PDE4D: variants seen among roughly 807,000 people sequenced by gnomAD.
The protein encoded by PDE4D is 3',5'-cyclic-AMP phosphodiesterase 4D.
In PDE4D, 24 loss-of-function variants were observed where a neutral mutation model predicts 87.4. That is an observed-to-expected ratio of 0.27 (90% CI 0.20 to 0.39). The LOEUF is 0.39. Among genes scored for constraint, PDE4D ranks in the 10% least tolerant of loss-of-function variants. PDE4D has a pLI of 1.00. For missense variants in PDE4D, 714 were observed against 1,041.0 expected, an observed-to-expected ratio of 0.69 and a Z score of 4.32; for synonymous variants, 384 against 383.2, an observed-to-expected ratio of 1.00 and a Z score of -0.02.
At chr5:59,405,208 A>T (rs1378022988) in intron 1 of PDE4D, among the ~76,000 whole-genome samples, 3 of 152,214 alleles carry the variant, frequency 2.0e-5, no homozygotes, top group Non-Finnish European at 4.4e-5. Context: ...CTTCCAATCC[A>T]TGAACATGAA....
intron 1 of PDE4D, among the ~76,000 whole-genome samples, chr5:59,713,799 T>C (rs1754571211): frequency 1.3e-5 from 2 of 152,038 alleles, no homozygotes; most frequent in South Asian, 2.1e-4. Flanking sequence ...GGAATGAGCC[T>C]TTGACAGCAG....
In PDE4D at chr5:58,969,635, TATAATTA is replaced by T. The variant is rs1208135386; in HGVS notation, c.*5022_*5028del. 1 of 152,164 alleles carries T rather than the reference TATAATTA, an allele frequency of 6.6e-6. No individual in the cohort carries two copies. Among genetic ancestry groups the T allele is most frequent in the Non-Finnish European group, 1.5e-5 (1 of 68,034 alleles). The allele number at this position is 152,164 out of a possible 1,614,324, so 9.4% of individuals were successfully genotyped here. A position where few individuals can be genotyped will look rare whatever the true frequency, so the allele number is the denominator to read the frequency against. On this transcript the variant is annotated 3_prime_UTR_variant, in exon 15 of 15. Coordinates refer to ENST00000340635, the MANE Select transcript of PDE4D (RefSeq NM_001104631.2). ...GCTCCTTCATTGTACTGATCACATA[TATAATTA>T]TATGAGTATTGTTTAAGCCTTTGTC...
At chr5:59,068,153 G>A (rs1764210069) in intron 5 of PDE4D, among the ~76,000 whole-genome samples, 1 of 152,112 alleles carries the variant, frequency 6.6e-6, no homozygotes, top group South Asian at 2.1e-4. Flanking sequence ...GCTGACTATT[G>A]TGAAGTCTCA....
intron 1 of PDE4D, among the ~76,000 whole-genome samples, chr5:59,385,072 T>C (rs576314174): frequency 6.6e-6 from 1 of 152,188 alleles, no homozygotes; most frequent in Non-Finnish European, 1.5e-5. Flanking sequence ...CTCTAGCAAA[T>C]TGGATAATCT....
chr5:59,001,368 G>A (rs187405098), intron 6 of PDE4D, among the ~76,000 whole-genome samples: 2 of 152,112 alleles, frequency 1.3e-5, no homozygotes, highest in African/African-American at 4.8e-5. Context: ...CTGTCTTAGA[G>A]AGCATGCTCT....
intron 1 of PDE4D, among the ~76,000 whole-genome samples, chr5:60,296,836 C>A (rs938058305): frequency 6.6e-6 from 1 of 152,058 alleles, no homozygotes; most frequent in Non-Finnish European, 1.5e-5. Context: ...CAAACTAATA[C>A]AGGAACAGAA....
At chr5:60,126,851 T>A (rs897542668) in intron 2 of PDE4D, among the ~76,000 whole-genome samples, 1 of 152,188 alleles carries the variant, frequency 6.6e-6, no homozygotes, top group Non-Finnish European at 1.5e-5. Context: ...ACTGATGCAG[T>A]GATGAGCAAA....
At chr5:60,341,301 C>T (rs1758296790) in intron 1 of PDE4D, among the ~76,000 whole-genome samples, 1 of 152,196 alleles carries the variant, frequency 6.6e-6, no homozygotes, top group African/African-American at 2.4e-5. Context: ...AGGCAGGCAT[C>T]CAGGCCTCCT....
At chr5:60,089,681 A>T (rs577745409) in intron 2 of PDE4D, among the ~76,000 whole-genome samples, 1 of 152,058 alleles carries the variant, frequency 6.6e-6, no homozygotes, top group East Asian at 1.9e-4. Flanking sequence ...AAGGAAAGAA[A>T]TAATAAAGAT....
chr5:59,299,720 A>G (rs1300073146), intron 1 of PDE4D, among the ~76,000 whole-genome samples: 3 of 152,160 alleles, frequency 2.0e-5, no homozygotes, highest in Non-Finnish European at 2.9e-5. Flanking sequence ...TTCTCCATAT[A>G]CTTGCTCTTC....
At chr5:60,251,319 T>C (rs1210044309) in intron 1 of PDE4D, among the ~76,000 whole-genome samples, 2 of 151,942 alleles carry the variant, frequency 1.3e-5, no homozygotes, top group African/African-American at 4.8e-5. Flanking sequence ...GCATTAAGCC[T>C]GGTACCTGCT....
At position 59,215,549 on chromosome 5, in the gene PDE4D, ATGCG is replaced by A. The variant is rs774362147; in HGVS notation, c.647+224_647+227del. ...AAGTATTTTCTGGGAAAATAAATAC[ATGCG>A]TGTGTGTGTGTGTGTGTGTGTGTGT... On this transcript the variant is annotated intron_variant, in intron 2 of 14. Transcript: ENST00000340635. The A allele has an allele frequency of 5.7e-4, 238 of 419,708 alleles. 2 individuals are homozygous for A. The highest frequency in any genetic ancestry group is 5.3e-3 in the African/African-American group (218 of 41,490). The allele number at this position is 419,708 out of a possible 1,614,324, so 26.0% of individuals were successfully genotyped here. A position where few individuals can be genotyped will look rare whatever the true frequency, so the allele number is the denominator to read the frequency against.
At chr5:59,781,686 C>T (rs1234688861) in intron 1 of PDE4D, among the ~76,000 whole-genome samples, 2 of 145,816 alleles carry the variant, frequency 1.4e-5, no homozygotes, top group Non-Finnish European at 3.0e-5. Flanking sequence ...CTCAGGAGGC[C>T]GAGGCAGAGA....
chr5:59,737,604 C>A (rs988039773), intron 1 of PDE4D, among the ~76,000 whole-genome samples: 2 of 152,022 alleles, frequency 1.3e-5, no homozygotes, highest in Non-Finnish European at 2.9e-5. Context: ...ATCTTAAATT[C>A]TCACAGTACA....
At chr5:59,889,187 C>T (rs1449376260) in intron 1 of PDE4D, among the ~76,000 whole-genome samples, 5 of 146,108 alleles carry the variant, frequency 3.4e-5, no homozygotes, top group Admixed American at 6.9e-5. Context: ...AAGATTGTGC[C>T]ACTGCACACT....
rs554862525 is a variant in PDE4D, at chr5:59,745,037, C to T, written c.455+148131G>A. ...GTAAAATCTGTATTTCCATTGATTA[C>T]CAAACTGAATTTTGCACAGGTAAAA... On this transcript the variant is annotated intron_variant, in intron 1 of 14. Transcript: ENST00000340635. Among the ~76,000 whole-genome samples, 3 of 152,252 alleles carry T rather than the reference C, an allele frequency of 2.0e-5. No individual in the cohort carries two copies. In the East Asian group the frequency reaches 5.8e-4, roughly 29 times the overall value.
At chr5:59,858,966 A>T (rs1028616244) in intron 1 of PDE4D, among the ~76,000 whole-genome samples, 1 of 152,228 alleles carries the variant, frequency 6.6e-6, no homozygotes, top group Admixed American at 6.5e-5. Context: ...GCTCCAGAAC[A>T]AACACTGCAC....
chr5:59,178,819 CA>C (rs1740770927), intron 5 of PDE4D, among the ~76,000 whole-genome samples: 1 of 152,274 alleles, frequency 6.6e-6, no homozygotes, highest in African/African-American at 2.4e-5. Context: ...TTGCTTATTG[CA>C]AAATTGGGGG....
chr5:60,343,335 C>T (rs73106777), intron 1 of PDE4D, among the ~76,000 whole-genome samples: 7,792 of 152,194 alleles, frequency 0.051, 679 homozygotes, highest in African/African-American at 0.18. Flanking sequence ...AGCAACCTGA[C>T]CACAGCAGGG....
Sources: allele counts gnomAD v4.1 joint callset (sites outside exome capture counted in the v4.1 genomes callset), GRCh38; gene constraint gnomAD v4.1.1; transcripts MANE v1.5; gene names NCBI Gene and HGNC (gene_info 2026-07-23, HGNC 2026-07-21).